TENM3: variants seen among roughly 807,000 people sequenced by gnomAD.
TENM3 encodes teneurin transmembrane protein 3, also known as teneurin-3.
In TENM3, 63 loss-of-function variants were observed where a neutral mutation model predicts 255.1. The observed-to-expected ratio is 0.25, with a 90% confidence interval of 0.20 to 0.30. TENM3 has a LOEUF of 0.30. TENM3 is among the 10% of genes least tolerant of loss of function. The pLI, the probability that TENM3 is intolerant of heterozygous loss-of-function variation, is 1.00. For synonymous variants in TENM3, 1,306 were observed against 1,322.3 expected, an observed-to-expected ratio of 0.99 and a Z score of 0.27; for missense variants, 2,929 against 3,461.1, an observed-to-expected ratio of 0.85 and a Z score of 3.86.
At chr4:182,046,961 C>G in the TENM3 span, among the ~76,000 whole-genome samples, 1 of 152,164 alleles carries the variant, frequency 6.6e-6, no homozygotes, top group African/African-American at 2.4e-5. Context: ...ATAGCAGATC[C>G]TACCTCTCTG....
At chr4:181,793,123 C>G in the TENM3 span, among the ~76,000 whole-genome samples, 5 of 152,202 alleles carry the variant, frequency 3.3e-5, no homozygotes, top group African/African-American at 1.2e-4. Flanking sequence ...CTCCTTGCCC[C>G]TTTGAAGCTT....
intron 3 of TENM3, among the ~76,000 whole-genome samples, chr4:182,524,411 G>T (rs1322168393): frequency 2.2e-5 from 3 of 137,820 alleles, no homozygotes; most frequent in African/African-American, 5.7e-5. Flanking sequence ...ACCCAGGCCA[G>T]AGTGCAGTGG....
chr4:181,611,955 T>C, the TENM3 span, among the ~76,000 whole-genome samples: 1 of 152,234 alleles, frequency 6.6e-6, no homozygotes, highest in Non-Finnish European at 1.5e-5. Context: ...ACATAATATA[T>C]CTATTTTTTT....
the TENM3 span, among the ~76,000 whole-genome samples, chr4:181,477,207 G>A: frequency 1.8e-4 from 27 of 152,160 alleles, no homozygotes; most frequent in Middle Eastern, 3.4e-3. Flanking sequence ...GCAAATCCCC[G>A]AAATGCTCCT....
chr4:181,600,762 G>T, the TENM3 span, among the ~76,000 whole-genome samples: 4 of 151,016 alleles, frequency 2.6e-5, no homozygotes, highest in African/African-American at 9.8e-5. Flanking sequence ...ACTTGTGATG[G>T]TACCTGGTGA....
chr4:182,222,811 C>T (rs1755923789), intron 1 of TENM3, among the ~76,000 whole-genome samples: 2 of 152,150 alleles, frequency 1.3e-5, no homozygotes. Context: ...TCTTTGTCTG[C>T]TCTGGAGAAA....
chr4:181,892,151 G>T, the TENM3 span, among the ~76,000 whole-genome samples: 1 of 152,092 alleles, frequency 6.6e-6, no homozygotes, highest in Non-Finnish European at 1.5e-5. Flanking sequence ...TTTTGTTGTT[G>T]CAGCCCAACA....
At chr4:181,614,480 T>C in the TENM3 span, among the ~76,000 whole-genome samples, 1 of 152,226 alleles carries the variant, frequency 6.6e-6, no homozygotes. Flanking sequence ...AAAGTTTAGA[T>C]GAGACCCAAG....
intron 3 of TENM3, among the ~76,000 whole-genome samples, chr4:182,395,567 TA>T (rs1561402985): frequency 6.6e-6 from 1 of 152,188 alleles, no homozygotes; most frequent in African/African-American, 2.4e-5. Context: ...TGCACTTTGA[TA>T]GGGGAGATGC....
the TENM3 span, among the ~76,000 whole-genome samples, chr4:181,952,533 T>C: frequency 6.6e-6 from 1 of 152,210 alleles, no homozygotes; most frequent in African/African-American, 2.4e-5. Flanking sequence ...TGTAAAGTGA[T>C]AGACACCAAT....
At chr4:181,731,841 C>T in the TENM3 span, among the ~76,000 whole-genome samples, 1 of 152,086 alleles carries the variant, frequency 6.6e-6, no homozygotes, top group Non-Finnish European at 1.5e-5. Flanking sequence ...AGTTAAGAGA[C>T]AAATGAACAT....
At chr4:181,884,472 C>T in the TENM3 span, among the ~76,000 whole-genome samples, 1 of 152,058 alleles carries the variant, frequency 6.6e-6, no homozygotes, top group Non-Finnish European at 1.5e-5. Context: ...TCTCACTGTC[C>T]GCAGTCCCAA....
chr4:181,536,420 A>T, the TENM3 span, among the ~76,000 whole-genome samples: 1 of 152,234 alleles, frequency 6.6e-6, no homozygotes, highest in Non-Finnish European at 1.5e-5. Flanking sequence ...AGTGTCTCCA[A>T]GAGAGGAGCA....
At chr4:182,405,225 G>A (rs1050583767) in intron 3 of TENM3, among the ~76,000 whole-genome samples, 3 of 152,164 alleles carry the variant, frequency 2.0e-5, no homozygotes, top group African/African-American at 7.2e-5. Flanking sequence ...CCGCCGTCCT[G>A]GAACATTCCC....
the TENM3 span, among the ~76,000 whole-genome samples, chr4:181,913,950 T>C: frequency 6.6e-6 from 1 of 152,214 alleles, no homozygotes; most frequent in Admixed American, 6.5e-5. Context: ...AGCAATGTGA[T>C]TGGTGATGTT....
rs138254421 is a variant in TENM3, at chr4:182,529,021, C to T, written c.512-71903C>T. On this transcript the variant is annotated intron_variant, in intron 3 of 27. Transcript: ENST00000511685. ...ATCGTTCTCTGCTTACCTGTGTCAA[C>T]GTTTAGCTGCGGTAACAAATTTTTG... is the stretch of plus-strand genomic sequence containing the variant. Among the ~76,000 whole-genome samples, 7 of 152,328 alleles carry T rather than the reference C, an allele frequency of 4.6e-5. No individual in the cohort carries two copies. In the South Asian group the frequency reaches 1.0e-3, roughly 23 times the overall value.
chr4:182,595,672 C>T (rs370657044), intron 3 of TENM3, among the ~76,000 whole-genome samples: 2 of 151,932 alleles, frequency 1.3e-5, no homozygotes, highest in South Asian at 2.1e-4. Flanking sequence ...TTAATAAAGA[C>T]GCTGTTTGGG....
chr4:182,503,007 T>C (rs975502326), intron 3 of TENM3, among the ~76,000 whole-genome samples: 9 of 151,804 alleles, frequency 5.9e-5, no homozygotes, highest in African/African-American at 2.2e-4. Context: ...AAAATAATCT[T>C]CTGCTCTCTT....
chr4:181,992,153 G>A, the TENM3 span, among the ~76,000 whole-genome samples: 2 of 152,074 alleles, frequency 1.3e-5, no homozygotes, highest in African/African-American at 4.8e-5. Flanking sequence ...TATTAAGCAT[G>A]CCTTTTTGAA....
Sources: allele counts gnomAD v4.1 joint callset (sites outside exome capture counted in the v4.1 genomes callset), GRCh38; gene constraint gnomAD v4.1.1; transcripts MANE v1.5; gene names NCBI Gene and HGNC (gene_info 2026-07-23, HGNC 2026-07-21).